C12orf42: variants seen among roughly 807,000 people sequenced by gnomAD.
C12orf42 encodes uncharacterized protein C12orf42.
In C12orf42, 25 loss-of-function variants were observed where a neutral mutation model predicts 21.6. The ratio of observed to expected loss-of-function variants is 1.16; its 90% CI spans 0.84 to 1.62. The LOEUF (loss-of-function observed/expected upper bound fraction) is 1.62. C12orf42 is among the 40% of genes most tolerant of loss of function. The pLI is 0.00. For synonymous variants in C12orf42, 174 were observed against 175.0 expected (o/e 0.99, Z 0.05); for missense variants, 483 against 459.3 (o/e 1.05, Z -0.47).
At chr12:103,231,881 C>T in the C12orf42 span, among the ~76,000 whole-genome samples, 1 of 152,156 alleles carries the variant, frequency 6.6e-6, no homozygotes, top group Admixed American at 6.5e-5. Flanking sequence ...TTGTAGAAAA[C>T]TGCCAAACTG....
downstream of C12orf42, among the ~76,000 whole-genome samples, chr12:103,299,444 C>T (rs1470498421): frequency 6.6e-6 from 1 of 151,784 alleles, no homozygotes; most frequent in African/African-American, 2.4e-5. Context: ...TTCAGTGCAC[C>T]AAATTTTTAT....
At chr12:103,105,301 A>C in the C12orf42 span, among the ~76,000 whole-genome samples, 5 of 152,214 alleles carry the variant, frequency 3.3e-5, no homozygotes, top group Admixed American at 3.3e-4. Context: ...TGTCCAAAGG[A>C]GATAATAAAA....
At chr12:103,204,684 A>G in the C12orf42 span, among the ~76,000 whole-genome samples, 3 of 152,194 alleles carry the variant, frequency 2.0e-5, no homozygotes, top group African/African-American at 7.2e-5. Flanking sequence ...AGTATATTTC[A>G]CTGTATCTGT....
intron 4 of C12orf42, among the ~76,000 whole-genome samples, chr12:103,296,709 G>GT (rs1220995830): frequency 2.0e-5 from 3 of 152,104 alleles, no homozygotes; most frequent in East Asian, 1.9e-4. Context: ...TGATGGGGTT[G>GT]TTTTTTTCTT....
intron 4 of C12orf42, among the ~76,000 whole-genome samples, chr12:103,317,274 C>T (rs1176881656): frequency 1.3e-5 from 2 of 152,094 alleles, no homozygotes; most frequent in Non-Finnish European, 2.9e-5. Flanking sequence ...ATTCTTTCTC[C>T]CAATATCACT....
the C12orf42 span, among the ~76,000 whole-genome samples, chr12:103,563,774 G>A: frequency 6.6e-6 from 1 of 152,260 alleles, no homozygotes; most frequent in Admixed American, 6.5e-5. Flanking sequence ...AGCAGCAAGA[G>A]TCGGGCAGAG....
intron 2 of C12orf42, among the ~76,000 whole-genome samples, chr12:103,456,584 A>G (rs944003069): frequency 1.3e-5 from 2 of 152,214 alleles, no homozygotes; most frequent in Non-Finnish European, 2.9e-5. Context: ...TCTTATTATG[A>G]AAACAGCACA....
intron 4 of C12orf42, among the ~76,000 whole-genome samples, chr12:103,340,572 C>T (rs976880096): frequency 1.3e-5 from 2 of 152,080 alleles, no homozygotes; most frequent in African/African-American, 4.8e-5. Flanking sequence ...GCAAAAATAT[C>T]CAGCACCCAA....
In C12orf42 at chr12:103,256,568, G is replaced by A. The variant is rs1457630061; in HGVS notation, c.*1366+6758C>T. Among the ~76,000 whole-genome samples the A allele has an allele frequency of 3.3e-5, 5 of 152,078 alleles. No individual in the cohort carries two copies. The East Asian group carries it at 5.8e-4, about 18-fold the overall frequency. ...ACTGAAAACCACAGTGGGCCAATTT[G>A]AGAACACCTAAGAAACTGAAAATAG... On this transcript the variant is annotated intron_variant and NMD_transcript_variant, in intron 10 of 10. Coordinates refer to the C12orf42 transcript ENST00000547347.
chr12:103,156,635 A>G, the C12orf42 span, among the ~76,000 whole-genome samples: 1 of 151,766 alleles, frequency 6.6e-6, no homozygotes, highest in Non-Finnish European at 1.5e-5. Flanking sequence ...CTCATCCCCG[A>G]CCCCACAACA....
chr12:103,412,339 CAT>C (rs779905064), intron 2 of C12orf42, among the ~76,000 whole-genome samples: 54 of 152,310 alleles, frequency 3.5e-4, no homozygotes, highest in Non-Finnish European at 4.9e-4. Context: ...GATATACACA[CAT>C]GTGACGGTGT....
At chr12:103,419,129 A>G (rs578188168) in intron 2 of C12orf42, among the ~76,000 whole-genome samples, 1 of 152,312 alleles carries the variant, frequency 6.6e-6, no homozygotes, top group Non-Finnish European at 1.5e-5. Context: ...TCATCTTTCA[A>G]TGATGGCACA....
At chr12:103,102,014 T>C in the C12orf42 span, among the ~76,000 whole-genome samples, 1 of 152,140 alleles carries the variant, frequency 6.6e-6, no homozygotes, top group Non-Finnish European at 1.5e-5. Flanking sequence ...GAGTTAGAAC[T>C]GGTATGCCAT....
At chr12:103,328,287 T>A (rs1026490009) in intron 4 of C12orf42, among the ~76,000 whole-genome samples, 3 of 152,174 alleles carry the variant, frequency 2.0e-5, no homozygotes, top group African/African-American at 7.2e-5. Flanking sequence ...ATAGGACTCA[T>A]TCAAGTTATG....
At chr12:103,407,507 A>G (rs2048511258) in intron 2 of C12orf42, among the ~76,000 whole-genome samples, 1 of 152,166 alleles carries the variant, frequency 6.6e-6, no homozygotes, top group Non-Finnish European at 1.5e-5. Flanking sequence ...AATAGTAAAT[A>G]TATTTTCTCT....
At chr12:103,132,522 G>C in the C12orf42 span, among the ~76,000 whole-genome samples, 3 of 152,108 alleles carry the variant, frequency 2.0e-5, no homozygotes, top group Non-Finnish European at 4.4e-5. Flanking sequence ...CTGGGTCCCA[G>C]ACTCTATCTG....
chr12:103,049,140 A>G, the C12orf42 span, among the ~76,000 whole-genome samples: 10 of 152,222 alleles, frequency 6.6e-5, no homozygotes, highest in African/African-American at 1.9e-4. Context: ...TCCAGTAGCC[A>G]TTACCTCCTT....
intron 10 of C12orf42, among the ~76,000 whole-genome samples, chr12:103,259,695 T>C (rs1420304799): frequency 6.6e-6 from 1 of 152,212 alleles, no homozygotes; most frequent in Non-Finnish European, 1.5e-5. Context: ...TCAATGTCGG[T>C]GTTGCCTTTT....
chr12:103,110,555 CA>C, the C12orf42 span, among the ~76,000 whole-genome samples: 2 of 152,030 alleles, frequency 1.3e-5, no homozygotes, highest in African/African-American at 4.8e-5. Flanking sequence ...GTGGTGGGTA[CA>C]AAGAAGTTTG....
Sources: allele counts gnomAD v4.1 joint callset (sites outside exome capture counted in the v4.1 genomes callset), GRCh38; gene constraint gnomAD v4.1.1; transcripts MANE v1.5; gene names NCBI Gene and HGNC (gene_info 2026-07-23, HGNC 2026-07-21).